Variants in RPTOR observed in about 807,000 individuals in gnomAD.
RPTOR encodes the protein regulatory-associated protein of mTOR.
In RPTOR, 21 loss-of-function variants were observed where a neutral mutation model predicts 169.9. The ratio of observed to expected loss-of-function variants is 0.12; its 90% CI spans 0.09 to 0.18. The LOEUF is 0.18. Among genes scored for constraint, RPTOR ranks in the 10% least tolerant of loss-of-function variants. The probability of loss-of-function intolerance (pLI) is 1.00; values close to 1 mark genes in which losing one functional copy is unlikely to be tolerated. For synonymous variants in RPTOR, 732 were observed against 753.2 expected, an observed-to-expected ratio of 0.97 and a Z score of 0.46; for missense variants, 1,133 against 1,855.9, an observed-to-expected ratio of 0.61 and a Z score of 7.16.
intron 3 of RPTOR, among the ~76,000 whole-genome samples, chr17:80,675,798 C>A (rs1237793788): frequency 6.6e-6 from 1 of 152,226 alleles, no homozygotes; most frequent in Admixed American, 6.5e-5. Context: ...GTCTGCCCCC[C>A]ACCTCCAAGC....
chr17:80,877,708 A>C (rs1253099479), intron 13 of RPTOR, among the ~76,000 whole-genome samples: 1 of 152,096 alleles, frequency 6.6e-6, no homozygotes, highest in African/African-American at 2.4e-5. Context: ...CTTTACGTGG[A>C]CGGCGGTCGA....
At position 80,823,397 on chromosome 17, in the gene RPTOR, T is replaced by C; in HGVS notation, c.1136+174T>C. ...TCCCAGAGATCTCCACACAGAGGAG[T>C]GGGGGTCTCCTTCAGAGGGCAGAAG... is the stretch of plus-strand genomic sequence containing the variant. On this transcript the variant is annotated intron_variant, in intron 9 of 33. Transcript: ENST00000306801. This position sits in a 1 kb window ranked among gnomAD's most constrained non-coding sequence, Gnocchi z 4.5. 1.3e-6 allele frequency: 1 copy of C among 790,576 alleles called. No homozygotes were observed. Among genetic ancestry groups the C allele is most frequent in the Admixed American group, 3.2e-5 (1 of 30,822 alleles). The allele number at this position is 790,576 out of a possible 1,614,324, so 49.0% of individuals were successfully genotyped here.
rs190452427 is a variant in RPTOR at position 80,633,196 on chromosome 17, C to T, written c.265+7403C>T. On this transcript the variant is annotated intron_variant, in intron 2 of 33. Coordinates refer to ENST00000306801, the MANE Select transcript of RPTOR (RefSeq NM_020761.3). The surrounding 1 kb of genome is among the most constrained non-coding windows in gnomAD (Gnocchi z 4.1). Reference sequence around the variant, plus strand: ...AGAGAAGGCGGCTGACATGGTGCTTCAGCACCTCTGAATTCCTTAGTGTGT... The same window carrying T: ...AGAGAAGGCGGCTGACATGGTGCTTTAGCACCTCTGAATTCCTTAGTGTGT... Among the ~76,000 whole-genome samples, 210 of 152,370 alleles carry T rather than the reference C, an allele frequency of 1.4e-3. No homozygotes were observed. Among genetic ancestry groups the T allele is most frequent in the South Asian group, 2.3e-3 (11 of 4,832 alleles).
intron 24 of RPTOR, among the ~76,000 whole-genome samples, chr17:80,931,631 G>A (rs1055036020): frequency 6.6e-6 from 1 of 152,170 alleles, no homozygotes; most frequent in Admixed American, 6.5e-5. Flanking sequence ...GAGCACAGGC[G>A]AAGACCCACT....
chr17:80,752,764 A>G (rs1445828059), intron 5 of RPTOR, among the ~76,000 whole-genome samples: 1 of 152,220 alleles, frequency 6.6e-6, no homozygotes, highest in Non-Finnish European at 1.5e-5. Context: ...ATGGCAGGGT[A>G]TAGCAAACTC....
chr17:80,787,913 C>CT (rs2067009986), intron 6 of RPTOR, among the ~76,000 whole-genome samples: 1 of 152,096 alleles, frequency 6.6e-6, no homozygotes, highest in African/African-American at 2.4e-5. Context: ...TTGCCCCCAC[C>CT]TTTTTGCTTT....
At chr17:80,895,044 A>G (rs1406869057) in intron 20 of RPTOR, among the ~76,000 whole-genome samples, 1 of 152,158 alleles carries the variant, frequency 6.6e-6, no homozygotes, top group East Asian at 1.9e-4. Flanking sequence ...CCGTGACTCC[A>G]TTATCCATTC....
At chr17:80,775,428 C>CT (rs1273558836) in intron 6 of RPTOR, among the ~76,000 whole-genome samples, 3 of 152,154 alleles carry the variant, frequency 2.0e-5, no homozygotes, top group African/African-American at 7.2e-5. Flanking sequence ...CTTTTCTTTA[C>CT]TTTGAGTTTA....
chr17:80,899,280 G>T (rs772925758), intron 20 of RPTOR, among the ~76,000 whole-genome samples: 2 of 152,184 alleles, frequency 1.3e-5, no homozygotes, highest in African/African-American at 4.8e-5. Context: ...TTTTGAACTG[G>T]AATACACTTT....
At chr17:80,797,163 C>T (rs1426429549) in intron 7 of RPTOR, among the ~76,000 whole-genome samples, 5 of 152,138 alleles carry the variant, frequency 3.3e-5, no homozygotes, top group African/African-American at 4.8e-5. Context: ...GACAGGGATT[C>T]GCTCTGCTGC....
intron 6 of RPTOR, among the ~76,000 whole-genome samples, chr17:80,774,870 T>TCTCTGCCC (rs1476732865): frequency 6.6e-6 from 1 of 152,194 alleles, no homozygotes; most frequent in African/African-American, 2.4e-5. Context: ...TCATTCCCTT[T>TCTCTGCCC]CTCTGCCCCT....
intron 9 of RPTOR, among the ~76,000 whole-genome samples, chr17:80,834,644 G>T (rs932612435): frequency 6.6e-6 from 1 of 152,254 alleles, no homozygotes; most frequent in Non-Finnish European, 1.5e-5. Context: ...GAGAGAGATT[G>T]TCACCCGTGG....
chr17:80,754,093 C>T lies in RPTOR; in HGVS notation c.738C>T (p.Cys246=), dbSNP rs770049560. Residue 246 remains cysteine (C), a synonymous_variant, in exon 6 of 34, where the codon TGC becomes TGT. Coordinates refer to ENST00000306801, the MANE Select transcript of RPTOR (RefSeq NM_020761.3). This position sits in a 1 kb window ranked among gnomAD's most constrained non-coding sequence, Gnocchi z 4.2. The stretch of plus-strand genomic sequence containing the variant: ...AAAACTGCATCCAGCTGGCAGCCTG[C>T]GAGGCCACCGAGCTGCTGCCCATGA... ...SMKNCIQLAA[C]EATELLPMIP... 133 of 1,613,968 alleles carry T rather than the reference C, an allele frequency of 8.2e-5. 4 individuals are homozygous for T. In the South Asian group the frequency reaches 1.2e-3, roughly 14 times the overall value.
Position 80,681,579 on chromosome 17 carries a change from ATGAGGTGTACGTCTCTTACACCT to A in RPTOR, c.349-26260_349-26238del, listed in dbSNP as rs1336652782. Among the ~76,000 whole-genome samples the A allele has an allele frequency of 2.6e-4, 38 of 148,060 alleles. 5 individuals carry two copies. Among genetic ancestry groups the A allele is most frequent in the African/African-American group, 9.0e-4 (36 of 40,038 alleles). On this transcript the variant is annotated intron_variant, in intron 3 of 33. Coordinates refer to ENST00000306801, the MANE Select transcript of RPTOR (RefSeq NM_020761.3). Reference sequence around the variant, plus strand: ...ACATTTCTAGTTCTCTTACACCTTCATGAGGTGTACGTCTCTTACACCTTCATGAGGTGTACGTCTCTTACACC... The same window carrying A: ...ACATTTCTAGTTCTCTTACACCTTCATCATGAGGTGTACGTCTCTTACACC...
Position 80,947,438 on chromosome 17 carries a change from A to T in RPTOR, c.3265+87A>T, listed in dbSNP as rs1317740322. 1 of 1,426,148 alleles carries T rather than the reference A, an allele frequency of 7.0e-7. No individual in the cohort carries two copies. Among genetic ancestry groups the T allele is most frequent in the South Asian group, 1.6e-5 (1 of 62,136 alleles). 88.3% of individuals were successfully genotyped at this position (1,426,148 alleles called of 1,614,324 possible). The stretch of plus-strand genomic sequence containing the variant: ...GTGTGATCCTGAGATGTGTTTGTAC[A>T]TCTGTCTTACAGAAAGCCCTGCTCA... On this transcript the variant is annotated intron_variant, in intron 27 of 33. Coordinates refer to ENST00000306801, the MANE Select transcript of RPTOR (RefSeq NM_020761.3). The surrounding 1 kb of genome is among the most constrained non-coding windows in gnomAD (Gnocchi z 4.4).
chr17:80,578,478 G>A (rs534344960), intron 1 of RPTOR, among the ~76,000 whole-genome samples: 15 of 152,260 alleles, frequency 9.9e-5, no homozygotes, highest in Admixed American at 4.6e-4. Flanking sequence ...GCTGCTTTCC[G>A]TGGGCTCTGT....
At chr17:80,949,667 G>C (rs565661656) in intron 28 of RPTOR, 120 bp downstream of exon 28, 38 of 782,934 alleles carry the variant, frequency 4.9e-5, no homozygotes, top group Non-Finnish European at 6.3e-5. Flanking sequence ...AGAGTCCCCA[G>C]AATCCTAAAG....
intron 4 of RPTOR, among the ~76,000 whole-genome samples, chr17:80,722,184 A>G (rs1395176670): frequency 6.6e-6 from 1 of 150,870 alleles, no homozygotes; most frequent in East Asian, 1.9e-4. Context: ...AAGTGCCGTC[A>G]TCATCATCAT....
At chr17:80,789,780 G>A (rs719781) in intron 6 of RPTOR, among the ~76,000 whole-genome samples, 34,218 of 152,060 alleles carry the variant, frequency 0.23, 4,043 homozygotes, top group Middle Eastern at 0.27. Flanking sequence ...TAAGGGTCAC[G>A]GCCCTTCCAT....
Sources: allele counts gnomAD v4.1 joint callset (sites outside exome capture counted in the v4.1 genomes callset), GRCh38; gene constraint gnomAD v4.1.1; non-coding constraint Gnocchi (gnomAD v3.1); transcripts MANE v1.5; gene names NCBI Gene and HGNC (gene_info 2026-07-23, HGNC 2026-07-21).